The following RHBG variants were observed in gnomAD, a reference collection of about 807,000 sequenced individuals.
The protein encoded by RHBG is Rh family B glycoprotein.
In RHBG, 39 loss-of-function variants were observed where a neutral mutation model predicts 40.1. That is an observed-to-expected ratio of 0.97 (90% confidence interval 0.75 to 1.27). RHBG has a LOEUF of 1.27. Among genes scored for constraint, RHBG ranks in the 50% most tolerant of loss-of-function variants. The pLI, the probability that RHBG is intolerant of heterozygous loss-of-function variation, is 0.00. For missense variants in RHBG, 549 were observed against 588.1 expected (o/e 0.93, Z 0.69); for synonymous variants, 237 against 252.5 (o/e 0.94, Z 0.58).
At chr1:156,372,712 A>G (rs1666935323) in intron 1 of RHBG, among the ~76,000 whole-genome samples, 1 of 152,162 alleles carries the variant, frequency 6.6e-6, no homozygotes, top group Non-Finnish European at 1.5e-5. Flanking sequence ...TATCATATTT[A>G]ATATCCATAC....
intron 1 of RHBG, among the ~76,000 whole-genome samples, chr1:156,369,938 C>T (rs949177547): frequency 6.6e-6 from 1 of 152,062 alleles, no homozygotes; most frequent in African/African-American, 2.4e-5. Context: ...GTATGAATCG[C>T]CCACACGTGT....
chr1:156,379,737 C>T (rs1291588625), intron 4 of RHBG, among the ~76,000 whole-genome samples: 1 of 152,184 alleles, frequency 6.6e-6, no homozygotes, highest in African/African-American at 2.4e-5. Context: ...GATTGCCGGG[C>T]TGCTGGGAGA....
Position 156,369,267 on chromosome 1 carries a change from C to T in RHBG, c.18C>T (p.Ser6=). ...CCCAACCCATGGCCGGGTCTCCTAGCCGCGCCGCGGGCCGGCGACTGCAGC... is the reference window on the plus strand; with the variant it reads ...CCCAACCCATGGCCGGGTCTCCTAGTCGCGCCGCGGGCCGGCGACTGCAGC... MAGSP[S]RAAGRRLQLP... The change falls in exon 1 of 10, where the codon AGC becomes AGT. Residue 6 remains serine, a synonymous_variant. Transcript: ENST00000537040. 1 of 1,613,354 alleles carries T rather than the reference C, an allele frequency of 6.2e-7. No individual in the cohort carries two copies. The highest frequency in any genetic ancestry group is 8.5e-7 in the Non-Finnish European group (1 of 1,179,864).
Position 156,377,621 on chromosome 1 carries a change from G to A in RHBG, c.374+134G>A. ...TGGGCGTCACTTGGTTTCTCTAGGT[G>A]TCCTGCCTGTCCTTATTGCCTGACT... On this transcript the variant is annotated intron_variant, in intron 2 of 9. Coordinates refer to ENST00000537040, the MANE Select transcript of RHBG (RefSeq NM_020407.5). This position sits in a 1 kb window ranked among gnomAD's most constrained non-coding sequence, Gnocchi z 4.6. The A allele has an allele frequency of 1.1e-6, 1 of 872,534 alleles. No individual in the cohort carries two copies. The highest frequency in any genetic ancestry group is 1.7e-6 in the Non-Finnish European group (1 of 583,110). The allele number at this position is 872,534 out of a possible 1,614,324, so 54.0% of individuals were successfully genotyped here. A position where few individuals can be genotyped will look rare whatever the true frequency, so the allele number is the denominator to read the frequency against.
chr1:156,372,423 C>A (rs79896169), intron 1 of RHBG, among the ~76,000 whole-genome samples: 1 of 152,258 alleles, frequency 6.6e-6, no homozygotes, highest in South Asian at 2.1e-4. Flanking sequence ...GGCTAAAGGG[C>A]CACAGAAGCA....
chr1:156,383,058 C>T (rs1453404694), intron 8 of RHBG, among the ~76,000 whole-genome samples, 189 bp downstream of exon 8: 4 of 152,318 alleles, frequency 2.6e-5, no homozygotes, highest in South Asian at 2.1e-4. Flanking sequence ...CTTTCTGGTG[C>T]CGAGGGCAGC....
intron 1 of RHBG, among the ~76,000 whole-genome samples, chr1:156,370,891 C>T (rs1404321899): frequency 6.6e-6 from 1 of 150,844 alleles, no homozygotes. Flanking sequence ...TAACCTCCCA[C>T]CCCCACCCTC....
At chr1:156,375,831 C>T (rs1570995780) in intron 1 of RHBG, among the ~76,000 whole-genome samples, 1 of 152,098 alleles carries the variant, frequency 6.6e-6, no homozygotes, top group Middle Eastern at 3.4e-3. Context: ...CCTCCACCTC[C>T]TGGGTTCAAG....
Position 156,369,222 on chromosome 1 carries a change from A to C in RHBG, c.-28A>C. ...CGGGAATTGTCTGCCAAAGCCTGCG[A>C]GCGCCAGCCGAGATCGCAGCCCAAC... is the stretch of plus-strand genomic sequence containing the variant. On this transcript the variant is annotated 5_prime_UTR_variant, in exon 1 of 10. Transcript: ENST00000537040. 6.2e-7 allele frequency: 1 copy of C among 1,602,932 alleles called. No homozygotes were observed. The highest frequency in any genetic ancestry group is 8.5e-7 in the Non-Finnish European group (1 of 1,175,184).
At position 156,377,578 on chromosome 1, in the gene RHBG, C is replaced by T; in HGVS notation, c.374+91C>T. The stretch of plus-strand genomic sequence containing the variant: ...GATCTAGCCCTGTCCTTCAAGTCTG[C>T]TTCCTGACTCACGATTCTGGGCGTC... On this transcript the variant is annotated intron_variant, in intron 2 of 9. Coordinates refer to ENST00000537040, the MANE Select transcript of RHBG (RefSeq NM_020407.5). The surrounding 1 kb of genome is among the most constrained non-coding windows in gnomAD (Gnocchi z 4.6). The T allele has an allele frequency of 1.5e-6, 2 of 1,345,204 alleles. No individual in the cohort carries two copies. Among genetic ancestry groups the T allele is most frequent in the Non-Finnish European group, 2.0e-6 (2 of 987,764 alleles). The allele number at this position is 1,345,204 out of a possible 1,614,324, so 83.3% of individuals were successfully genotyped here.
chr1:156,379,287 C>T (rs546733816), intron 4 of RHBG, among the ~76,000 whole-genome samples: 2 of 152,308 alleles, frequency 1.3e-5, no homozygotes, highest in African/African-American at 4.8e-5. Context: ...TGAGCCACTA[C>T]GCCCGGCTAC....
At chr1:156,382,599 G>T in intron 7 of RHBG, 149 bp from the exon 8 acceptor site, 1 of 952,544 alleles carries the variant, frequency 1.0e-6, no homozygotes, top group South Asian at 1.5e-5. Context: ...TGGCCTGGAG[G>T]TGAGACTCAG....
Position 156,378,117 on chromosome 1 carries a change from T to C in RHBG, c.502T>C (p.Phe168Leu), listed in dbSNP as rs770000976. Reference sequence around the variant, plus strand: ...GGTGGTGCTGTTTGGCATCAATGAGTTTGTGCTCCTTCATCTCCTGGGGGT... The same window carrying C: ...GGTGGTGCTGTTTGGCATCAATGAGCTTGTGCTCCTTCATCTCCTGGGGGT... Reference protein sequence around the residue: ...LEVVLFGINEFVLLHLLGVRD... With the variant: ...LEVVLFGINELVLLHLLGVRD... The change falls in exon 3 of 10, where the codon TTT becomes CTT. Residue 168 changes from phenylalanine to leucine, a missense_variant. Coordinates refer to ENST00000537040, the MANE Select transcript of RHBG (RefSeq NM_020407.5). The C allele has an allele frequency of 6.2e-7, 1 of 1,611,670 alleles. No individual in the cohort carries two copies. Among genetic ancestry groups the C allele is most frequent in the Non-Finnish European group, 8.5e-7 (1 of 1,178,866 alleles).
At chr1:156,376,174 A>G (rs1368550545) in intron 1 of RHBG, among the ~76,000 whole-genome samples, 1 of 152,180 alleles carries the variant, frequency 6.6e-6, no homozygotes, top group African/African-American at 2.4e-5. Context: ...TAATTCATCT[A>G]TAAAGTTAAA....
At chr1:156,373,244 AG>A (rs1666968022) in intron 1 of RHBG, among the ~76,000 whole-genome samples, 1 of 152,110 alleles carries the variant, frequency 6.6e-6, no homozygotes, top group Admixed American at 6.6e-5. Context: ...CAACAAACAA[AG>A]TGAGACCTCG....
In RHBG at chr1:156,369,427, C is replaced by T; in HGVS notation, c.178C>T (p.Arg60Cys). 6.2e-7 allele frequency: 1 copy of T among 1,611,886 alleles called. No homozygotes were observed. The highest frequency in any genetic ancestry group is 1.1e-5 in the South Asian group (1 of 90,794). ...HSNADNEFYF[R>C]YPSFQDVHAM... ...TAACGCGGACAATGAATTTTACTTT[C>T]GCTACCCAAGTGAGTGCGGGGTGAG... Residue 60 changes from arginine to cysteine, a missense_variant, in exon 1 of 10, where the codon CGC becomes TGC. Physicochemically the swap from Arg to Cys is radical, Grantham distance 180 (BLOSUM62 -3). Transcript: ENST00000537040.
In RHBG at chr1:156,382,213, C is replaced by T. The variant is rs1667703109; in HGVS notation, c.1112+12C>T. On this transcript the variant is annotated intron_variant, in intron 7 of 9. Transcript: ENST00000537040. ...GCTTACGGAGATGGGTGAGTTTCCT[C>T]CCAACCCGTACTGCAGTCGTCATCC... 2 of 1,614,006 alleles carry T rather than the reference C, an allele frequency of 1.2e-6. No homozygotes were observed. The highest frequency in any genetic ancestry group is 1.1e-5 in the South Asian group (1 of 91,086).
intron 1 of RHBG, among the ~76,000 whole-genome samples, chr1:156,374,406 C>T (rs997964667): frequency 3.3e-5 from 5 of 152,058 alleles, no homozygotes; most frequent in Non-Finnish European, 1.5e-5. Flanking sequence ...TCCCTATTCC[C>T]CCTTCCCCCA....
At chr1:156,380,694 C>G (rs1667558765) in intron 4 of RHBG, among the ~76,000 whole-genome samples, 1 of 141,516 alleles carries the variant, frequency 7.1e-6, no homozygotes, top group African/African-American at 2.7e-5. Context: ...CCACTGCACT[C>G]CAGCCTGGGT....
Sources: allele counts gnomAD v4.1 joint callset (sites outside exome capture counted in the v4.1 genomes callset), GRCh38; gene constraint gnomAD v4.1.1; non-coding constraint Gnocchi (gnomAD v3.1); transcripts MANE v1.5; gene names NCBI Gene and HGNC (gene_info 2026-07-23, HGNC 2026-07-21).